PRRC2A: variants seen among roughly 807,000 people sequenced by gnomAD.
PRRC2A encodes protein PRRC2A.
In PRRC2A, 59 loss-of-function variants were observed where a neutral mutation model predicts 224.6. The observed-to-expected ratio is 0.26, with a 90% CI of 0.21 to 0.33. PRRC2A has a LOEUF of 0.33. Ranked by LOEUF, PRRC2A falls within the 10% of genes least tolerant of loss-of-function variation. The pLI, the probability that PRRC2A is intolerant of heterozygous loss-of-function variation, is 1.00. For missense variants in PRRC2A, 3,095 were observed against 2,880.7 expected, an observed-to-expected ratio of 1.07 and a Z score of -1.70; for synonymous variants, 1,194 against 1,109.5, an observed-to-expected ratio of 1.08 and a Z score of -1.51.
Position 31,632,717 on chromosome 6 carries a change from C to G in PRRC2A, c.4044C>G (p.Pro1348=). Reference sequence around the variant, plus strand: ...CACCCCCACCAGTACTGCTGACACCCAAGGCTGTGGGAACTCCTGGGGGAG... The same window carrying G: ...CACCCCCACCAGTACTGCTGACACCGAAGGCTGTGGGAACTCCTGGGGGAG... ...KEAPPPVLLT[P]KAVGTPGGGG... is the part of the protein sequence containing the mutation. Residue 1348 remains proline, a synonymous_variant, in exon 16 of 31, where the codon CCC becomes CCG. Coordinates refer to ENST00000376033, the MANE Select transcript of PRRC2A (RefSeq NM_004638.4). 1.9e-6 allele frequency: 3 copies of G among 1,613,130 alleles called. No individual in the cohort carries two copies. The highest frequency in any genetic ancestry group is 2.7e-5 in the African/African-American group (2 of 75,060).
At chr6:31,633,301 G>A in intron 16 of PRRC2A, 78 bp from the exon 17 acceptor site, 1 of 1,548,762 alleles carries the variant, frequency 6.5e-7, no homozygotes, top group Non-Finnish European at 8.7e-7. Flanking sequence ...TAGGTTGTAA[G>A]CAGAAGTTGG....
Position 31,632,184 on chromosome 6 carries a change from G to T in PRRC2A, c.3511G>T (p.Gly1171Cys). 1 of 1,600,482 alleles carries T rather than the reference G, an allele frequency of 6.2e-7. No individual in the cohort carries two copies. The highest frequency in any genetic ancestry group is 1.7e-5 in the Admixed American group (1 of 57,632). Residue 1171 changes from glycine (G) to cysteine (C), a missense_variant, in exon 16 of 31, where the codon GGC (glycine) becomes TGC (cysteine). Gly to Cys is a radical substitution (Grantham distance 159). Around this residue, in one of 8 missense-constraint regions of PRRC2A, gnomAD observed 2,001 missense variants for 1,764.9 expected, o/e 1.13. Transcript: ENST00000376033. Reference protein sequence around the residue: ...FTPRGVPSRRGRGGGRPPPQV... With the variant: ...FTPRGVPSRRCRGGGRPPPQV... The stretch of plus-strand genomic sequence containing the variant: ...TCCCAGAGGGGTGCCATCTCGCCGG[G>T]GCCGAGGAGGAGGGAGGCCCCCTCC...
rs769021746 is a variant in PRRC2A, at chr6:31,625,137, T to G, written c.464-34T>G. The G allele has an allele frequency of 6.3e-7, 1 of 1,594,952 alleles. No individual in the cohort carries two copies. Among genetic ancestry groups the G allele is most frequent in the Admixed American group, 1.7e-5 (1 of 59,086 alleles). On this transcript the variant is annotated intron_variant, in intron 5 of 30. Coordinates refer to ENST00000376033, the MANE Select transcript of PRRC2A (RefSeq NM_004638.4). The surrounding 1 kb of genome is among the most constrained non-coding windows in gnomAD (Gnocchi z 4.1). ...TTATAGCATGTCCTCAGGAAATGTC[T>G]TCTGTCTCCTGTTCTGCATCCCCAT... is the stretch of plus-strand genomic sequence containing the variant.
rs1188064584 is a variant in PRRC2A at position 31,631,193 on chromosome 6, C to T, written c.2520C>T (p.Gly840=). The T allele has an allele frequency of 6.3e-7, 1 of 1,590,368 alleles. No individual in the cohort carries two copies. The highest frequency in any genetic ancestry group is 1.4e-5 in the African/African-American group (1 of 73,852). The change falls in exon 16 of 31, where the codon GGC becomes GGT. Residue 840 remains glycine, a synonymous_variant. Transcript: ENST00000376033. The surrounding 1 kb of genome is among the most constrained non-coding windows in gnomAD (Gnocchi z 4.5). The part of the protein sequence containing the change: ...PPPPYLASYP[G]FPENGAPGPP... ...CACCCTATCTGGCCAGTTATCCAGG[C>T]TTTCCTGAGAATGGAGCCCCTGGGC...
Position 31,631,940 on chromosome 6 carries a change from C to G in PRRC2A, c.3267C>G (p.Ser1089Arg). 1 of 1,612,860 alleles carries G rather than the reference C, an allele frequency of 6.2e-7. No individual in the cohort carries two copies. The highest frequency in any genetic ancestry group is 8.5e-7 in the Non-Finnish European group (1 of 1,179,950). Residue 1089 changes from serine to arginine, a missense_variant, in exon 16 of 31, where the codon AGC (serine) becomes AGG (arginine). Around this residue, in one of 8 missense-constraint regions of PRRC2A, gnomAD observed 2,001 missense variants for 1,764.9 expected, o/e 1.13. Transcript: ENST00000376033. This position sits in a 1 kb window ranked among gnomAD's most constrained non-coding sequence, Gnocchi z 4.5. ...PRGRTASETRSEGSEYEEIPK... is the reference protein window; with the variant it reads ...PRGRTASETRREGSEYEEIPK... ...GCCGCACTGCCAGCGAGACACGGAGCGAGGGTTCAGAGTATGAGGAAATCC... is the reference window on the plus strand; with the variant it reads ...GCCGCACTGCCAGCGAGACACGGAGGGAGGGTTCAGAGTATGAGGAAATCC...
chr6:31,637,279 C>T lies in PRRC2A; in HGVS notation c.6288C>T (p.Thr2096=), dbSNP rs1464087028. Residue 2096 remains threonine (T), a synonymous_variant, in exon 30 of 31, where the codon ACC becomes ACT. Coordinates refer to ENST00000376033, the MANE Select transcript of PRRC2A (RefSeq NM_004638.4). ...CCCGTCTCAAGGCCACGCCTTCCAC[C>T]TACAGTGGAGTCTTCCGCACCCAGC... ...LNSRLKATPS[T]YSGVFRTQRV... The T allele has an allele frequency of 1.2e-6, 2 of 1,612,444 alleles. No homozygotes were observed. Among genetic ancestry groups the T allele is most frequent in the Non-Finnish European group, 1.7e-6 (2 of 1,179,558 alleles).
At position 31,627,922 on chromosome 6, in the gene PRRC2A, G is replaced by A. The variant is rs752720156; in HGVS notation, c.1448G>A (p.Arg483Gln). Reference protein sequence around the residue: ...EEERRMQEERRAACAEKLKRL... With the variant: ...EEERRMQEERQAACAEKLKRL... ...GAGCGGCGCATGCAAGAAGAGCGCC[G>A]GGCAGCCTGTGCTGAGAAGCTCAAG... Residue 483 changes from arginine (R) to glutamine (Q), a missense_variant, in exon 12 of 31, where the codon CGG becomes CAG. Physicochemically the swap from Arg to Gln is conservative, Grantham distance 43 (BLOSUM62 1). Around this residue, in one of 8 missense-constraint regions of PRRC2A, gnomAD observed 2,001 missense variants for 1,764.9 expected, o/e 1.13. Transcript: ENST00000376033. The surrounding 1 kb of genome is among the most constrained non-coding windows in gnomAD (Gnocchi z 5.6). The A allele has an allele frequency of 3.3e-5, 53 of 1,612,882 alleles. No homozygotes were observed. The highest frequency in any genetic ancestry group is 2.4e-4 in the East Asian group (11 of 44,900).
rs970660781 is a variant in PRRC2A at position 31,624,118 on chromosome 6, G to A, written c.291-143G>A. On this transcript the variant is annotated intron_variant, in intron 3 of 30. Transcript: ENST00000376033. ...AGAGAGCATGAAAAAATAGACAACA[G>A]CCTACAAAGGATGACAAAATTAATT... The A allele has an allele frequency of 4.6e-6, 5 of 1,076,724 alleles. No individual in the cohort carries two copies. In the African/African-American group the frequency reaches 6.4e-5, roughly 14 times the overall value. The allele number at this position is 1,076,724 out of a possible 1,614,324, so 66.7% of individuals were successfully genotyped here. A position where few individuals can be genotyped will look rare whatever the true frequency, so the allele number is the denominator to read the frequency against.
rs373687133 is a variant in PRRC2A at position 31,637,271 on chromosome 6, C to T, written c.6280C>T (p.Pro2094Ser). The change falls in exon 30 of 31, where the codon CCT becomes TCT. Residue 2094 changes from proline (P) to serine (S), a missense_variant. This residue lies in a region of PRRC2A where 662 missense variants were observed against 609.5 expected (regional missense o/e 1.09). Coordinates refer to ENST00000376033, the MANE Select transcript of PRRC2A (RefSeq NM_004638.4). Reference protein sequence around the residue: ...SGLNSRLKATPSTYSGVFRTQ... With the variant: ...SGLNSRLKATSSTYSGVFRTQ... ...CCTCAATTCCCGTCTCAAGGCCACG[C>T]CTTCCACCTACAGTGGAGTCTTCCG... is the stretch of plus-strand genomic sequence containing the variant. The T allele has an allele frequency of 2.5e-6, 4 of 1,612,452 alleles. No individual in the cohort carries two copies. The African/African-American group carries it at 5.3e-5, about 22-fold the overall frequency.
In PRRC2A at chr6:31,628,176, A is replaced by T. The variant is rs866221072; in HGVS notation, c.1702A>T (p.Thr568Ser). The T allele has an allele frequency of 6.2e-7, 1 of 1,612,840 alleles. No homozygotes were observed. The highest frequency in any genetic ancestry group is 1.7e-4 in the Middle Eastern group (1 of 6,060). ...TACTCCAGGTGTGGCTGCGGCTCCC[A>T]CTCTGGTGAGTGGTGGTGGCAGTAC... is the stretch of plus-strand genomic sequence containing the variant. ...TPTPGVAAAP[T>S]LVSGGGSTSS... The change falls in exon 12 of 31, where the codon ACT (threonine) becomes TCT (serine). Residue 568 changes from threonine (T) to serine (S), a missense_variant. Physicochemically the swap from Thr to Ser is moderately conservative, Grantham distance 58 (BLOSUM62 1). Around this residue, in one of 8 missense-constraint regions of PRRC2A, gnomAD observed 2,001 missense variants for 1,764.9 expected, o/e 1.13. Coordinates refer to ENST00000376033, the MANE Select transcript of PRRC2A (RefSeq NM_004638.4).
At position 31,624,762 on chromosome 6, in the gene PRRC2A, G is replaced by A. The variant is rs1177508370; in HGVS notation, c.463+240G>A. Reference sequence around the variant, plus strand: ...TATTCTGTAGGGGGGTGAGTTTGAAGGCGGGAAACCTGATGGTCTGGTACC... The same window carrying A: ...TATTCTGTAGGGGGGTGAGTTTGAAAGCGGGAAACCTGATGGTCTGGTACC... On this transcript the variant is annotated intron_variant, in intron 5 of 30. Transcript: ENST00000376033. 2.4e-5 allele frequency: 14 copies of A among 591,668 alleles called. No homozygotes were observed. In the Admixed American group the frequency reaches 2.7e-4, roughly 11 times the overall value. 36.7% of individuals were successfully genotyped at this position (591,668 alleles called of 1,614,324 possible). A position where few individuals can be genotyped will look rare whatever the true frequency, so the allele number is the denominator to read the frequency against.
chr6:31,637,269 C>G lies in PRRC2A; in HGVS notation c.6278C>G (p.Thr2093Arg), dbSNP rs115306790. ...FSGLNSRLKA[T>R]PSTYSGVFRT... ...GGCCTCAATTCCCGTCTCAAGGCCA[C>G]GCCTTCCACCTACAGTGGAGTCTTC... The change falls in exon 30 of 31, where the codon ACG becomes AGG. Residue 2093 changes from threonine to arginine, a missense_variant. Physicochemically the swap from Thr to Arg is moderately conservative, Grantham distance 71. Coordinates refer to ENST00000376033, the MANE Select transcript of PRRC2A (RefSeq NM_004638.4). The G allele has an allele frequency of 5.3e-4, 854 of 1,612,496 alleles. 1 individual carries two copies. Among genetic ancestry groups the G allele is most frequent in the Middle Eastern group, 2.3e-3 (14 of 6,060 alleles).
Position 31,634,618 on chromosome 6 carries a change from C to G in PRRC2A, c.4935+61C>G, listed in dbSNP as rs993984646. 7 of 1,593,040 alleles carry G rather than the reference C, an allele frequency of 4.4e-6. No homozygotes were observed. In the African/African-American group the frequency reaches 9.4e-5, roughly 21 times the overall value. ...CTTTTTTGAGCACTGGTCATACCCC[C>G]CACCTGCTCTGGGTTGAGTCTGGAG... On this transcript the variant is annotated intron_variant, in intron 20 of 30. Coordinates refer to ENST00000376033, the MANE Select transcript of PRRC2A (RefSeq NM_004638.4).
chr6:31,634,731 G>T (rs1187487261), intron 20 of PRRC2A, 22 bp from the exon 21 acceptor site: 1 of 1,607,850 alleles, frequency 6.2e-7, no homozygotes, highest in African/African-American at 1.3e-5. Context: ...GACTTAACTA[G>T]CTCCTTCTCC....
intron 1 of PRRC2A, among the ~76,000 whole-genome samples, chr6:31,621,842 G>GT (rs1331915247): frequency 6.6e-6 from 1 of 152,220 alleles, no homozygotes; most frequent in African/African-American, 2.4e-5. Context: ...GGAGCTGGAG[G>GT]TATCGAGTAA....
intron 2 of PRRC2A, 146 bp downstream of exon 2, chr6:31,623,047 AGG>A (rs1775473434): frequency 5.0e-6 from 4 of 799,020 alleles, no homozygotes; most frequent in South Asian, 4.1e-5. Context: ...GGTCCTTTAA[AGG>A]GGGTGTGGGC....
rs1048728696 is a variant in PRRC2A at position 31,631,812 on chromosome 6, C to T, written c.3139C>T (p.Arg1047Trp). The change falls in exon 16 of 31, where the codon CGG becomes TGG. Residue 1047 changes from arginine to tryptophan, a missense_variant. Coordinates refer to ENST00000376033, the MANE Select transcript of PRRC2A (RefSeq NM_004638.4). This position sits in a 1 kb window ranked among gnomAD's most constrained non-coding sequence, Gnocchi z 4.5. ...TCGGGGGACCTATGGGGGACGAGGG[C>T]GGGGAGCCCGAAGCCGGGAATTCCG... is the stretch of plus-strand genomic sequence containing the variant. ...GFRGTYGGRG[R>W]GARSREFRSY... 5.6e-5 allele frequency: 89 copies of T among 1,589,054 alleles called. No homozygotes were observed. The highest frequency in any genetic ancestry group is 1.2e-4 in the Admixed American group (7 of 58,088).
At chr6:31,628,387 A>G (rs904679218) in intron 12 of PRRC2A, 148 bp downstream of exon 12, 5 of 1,353,344 alleles carry the variant, frequency 3.7e-6, no homozygotes, top group South Asian at 1.5e-5. Flanking sequence ...TATCATTTGT[A>G]TATCTGAAGG....
At chr6:31,635,876 C>T (rs1047238429) in intron 24 of PRRC2A, 91 bp from the exon 25 acceptor site, 7 of 1,450,352 alleles carry the variant, frequency 4.8e-6, no homozygotes, top group Non-Finnish European at 6.5e-6. Context: ...CATCATTTTT[C>T]TCCCTACTTT....
Sources: allele counts gnomAD v4.1 joint callset (sites outside exome capture counted in the v4.1 genomes callset), GRCh38; gene constraint gnomAD v4.1.1; regional missense constraint gnomAD v4.1.1; non-coding constraint Gnocchi (gnomAD v3.1); transcripts MANE v1.5; gene names NCBI Gene and HGNC (gene_info 2026-07-23, HGNC 2026-07-21).